The following SPAG16 variants were observed in gnomAD, a reference collection of about 807,000 sequenced individuals.
The protein encoded by SPAG16 is sperm-associated antigen 16 protein.
SPAG16 carries 86 observed loss-of-function variants against 80.4 expected under a neutral mutation model. The ratio of observed to expected loss-of-function variants is 1.07; its 90% CI spans 0.90 to 1.28. The LOEUF (loss-of-function observed/expected upper bound fraction) is 1.28, where lower values mean the gene tolerates loss of function less well. SPAG16 is among the 50% of genes most tolerant of loss of function. The pLI is 0.00. For synonymous variants in SPAG16, 294 were observed against 265.9 expected (o/e 1.11, Z -1.03); for missense variants, 870 against 765.3 (o/e 1.14, Z -1.61).
intron 15 of SPAG16, among the ~76,000 whole-genome samples, chr2:214,285,425 C>T (rs1338589321): frequency 1.3e-5 from 2 of 152,110 alleles, no homozygotes; most frequent in Non-Finnish European, 2.9e-5. Flanking sequence ...TTTCCCAATC[C>T]ATGAGTTTCT....
chr2:214,371,737 A>G (rs538843475), intron 15 of SPAG16, among the ~76,000 whole-genome samples: 129 of 148,786 alleles, frequency 8.7e-4, no homozygotes, highest in African/African-American at 2.9e-3. Context: ...CTGGAGTGCA[A>G]TGGCGTGATC....
At chr2:214,126,369 T>C (rs766013667) in intron 14 of SPAG16, among the ~76,000 whole-genome samples, 1 of 151,316 alleles carries the variant, frequency 6.6e-6, no homozygotes, top group Non-Finnish European at 1.5e-5. Flanking sequence ...CCCTTCCAAT[T>C]TCCTTCATTT....
intron 9 of SPAG16, among the ~76,000 whole-genome samples, chr2:213,439,214 C>T (rs2070801759): frequency 6.6e-6 from 1 of 152,160 alleles, no homozygotes; most frequent in Non-Finnish European, 1.5e-5. Context: ...TAATTTGTTA[C>T]TCAGTAACAT....
chr2:214,171,917 A>C (rs2056881518), intron 15 of SPAG16, among the ~76,000 whole-genome samples: 1 of 151,932 alleles, frequency 6.6e-6, no homozygotes, highest in South Asian at 2.1e-4. Context: ...TATGGGGTAC[A>C]TATAGATAAA....
chr2:214,018,814 C>A (rs944019091), intron 13 of SPAG16, among the ~76,000 whole-genome samples: 1 of 152,078 alleles, frequency 6.6e-6, no homozygotes, highest in Non-Finnish European at 1.5e-5. Context: ...TAGTTTTAAA[C>A]CTCCTTCTCC....
At chr2:213,732,351 C>T (rs1352749242) in intron 10 of SPAG16, among the ~76,000 whole-genome samples, 1 of 149,816 alleles carries the variant, frequency 6.7e-6, no homozygotes, top group Admixed American at 6.6e-5. Context: ...AAAAAAAATG[C>T]CCAGGAATAC....
intron 11 of SPAG16, among the ~76,000 whole-genome samples, chr2:213,906,043 A>C (rs1036857968): frequency 1.3e-5 from 2 of 152,148 alleles, no homozygotes; most frequent in African/African-American, 2.4e-5. Context: ...GCTAAATTCC[A>C]AATATCTTAC....
chr2:213,736,689 G>C (rs183451413), intron 10 of SPAG16, among the ~76,000 whole-genome samples: 1 of 144,362 alleles, frequency 6.9e-6, no homozygotes, highest in Non-Finnish European at 1.5e-5. Context: ...ATTGATGTGT[G>C]CATATATTTT....
intron 15 of SPAG16, among the ~76,000 whole-genome samples, chr2:214,173,759 A>G (rs1242273312): frequency 6.6e-6 from 1 of 151,966 alleles, no homozygotes; most frequent in Non-Finnish European, 1.5e-5. Context: ...AAAGCCAGGC[A>G]GAGACACAAC....
intron 15 of SPAG16, among the ~76,000 whole-genome samples, chr2:214,250,747 T>TAGAGAGAGAGAG (rs1175910690): frequency 4.4e-5 from 4 of 90,422 alleles, no homozygotes; most frequent in Non-Finnish European, 5.2e-5. Context: ...TATATATATA[T>TAGAGAGAGAGAG]ATATATATAT....
intron 10 of SPAG16, among the ~76,000 whole-genome samples, chr2:213,519,766 C>CA (rs139207701): frequency 6.7e-4 from 98 of 147,202 alleles, no homozygotes; most frequent in South Asian, 1.7e-3. Context: ...AGCAATCATA[C>CA]AAAAAAAAAA....
intron 10 of SPAG16, among the ~76,000 whole-genome samples, chr2:213,600,785 A>C (rs1252539128): frequency 6.6e-6 from 1 of 152,090 alleles, no homozygotes; most frequent in African/African-American, 2.4e-5. Context: ...GTTTAAAGAC[A>C]CTCTCTGTCC....
At chr2:214,373,175 T>C (rs1396669777) in intron 15 of SPAG16, among the ~76,000 whole-genome samples, 1 of 152,176 alleles carries the variant, frequency 6.6e-6, no homozygotes, top group African/African-American at 2.4e-5. Flanking sequence ...AAAATTGCTT[T>C]CAGAATAAAC....
intron 14 of SPAG16, among the ~76,000 whole-genome samples, chr2:214,125,722 C>T (rs2054441275): frequency 6.6e-6 from 1 of 151,656 alleles, no homozygotes; most frequent in Admixed American, 6.7e-5. Flanking sequence ...GGCACCTTTC[C>T]TCACCCATCT....
chr2:213,674,867 C>A, intron 10 of SPAG16, among the ~76,000 whole-genome samples: 1 of 149,506 alleles, frequency 6.7e-6, no homozygotes, highest in Admixed American at 6.6e-5. Flanking sequence ...GTCTTTATAG[C>A]AGCATGATTT....
At chr2:213,308,478 T>C (rs1372550526) in intron 3 of SPAG16, among the ~76,000 whole-genome samples, 5 of 152,160 alleles carry the variant, frequency 3.3e-5, no homozygotes, top group African/African-American at 1.2e-4. Flanking sequence ...GATAATGATA[T>C]TTTGAAAATA....
intron 15 of SPAG16, among the ~76,000 whole-genome samples, chr2:214,395,221 C>G (rs1412666587): frequency 1.3e-5 from 2 of 152,112 alleles, no homozygotes; most frequent in African/African-American, 2.4e-5. Context: ...TGGGTAAATA[C>G]AAAGGAACAC....
chr2:214,000,095 A>G (rs1159777079), intron 12 of SPAG16, among the ~76,000 whole-genome samples: 1 of 152,140 alleles, frequency 6.6e-6, no homozygotes, highest in African/African-American at 2.4e-5. Context: ...TTGGTTTTCA[A>G]ATGTGAGGAC....
At chr2:214,058,279 C>T (rs1014589107) in intron 13 of SPAG16, among the ~76,000 whole-genome samples, 1 of 152,052 alleles carries the variant, frequency 6.6e-6, no homozygotes, top group African/African-American at 2.4e-5. Context: ...TTGAACACTT[C>T]GAGGCCATTG....
Sources: gnomAD v4.1 joint callset for allele counts (sites outside exome capture counted in the v4.1 genomes callset) on GRCh38, gnomAD v4.1.1 for gene constraint, MANE v1.5 for transcripts, NCBI Gene and HGNC (gene_info 2026-07-23, HGNC 2026-07-21) for gene names.